NOL6: variants seen among roughly 807,000 people sequenced by gnomAD.
NOL6 encodes the protein nucleolar RNA-associated protein.
In NOL6, 33 loss-of-function variants were observed where a neutral mutation model predicts 131.7. The observed-to-expected ratio is 0.25, with a 90% CI of 0.19 to 0.33. The LOEUF (loss-of-function observed/expected upper bound fraction) is 0.33. Among genes scored for constraint, NOL6 ranks in the 10% least tolerant of loss-of-function variants. The pLI is 1.00. For missense variants in NOL6, 1,297 were observed against 1,494.5 expected, an observed-to-expected ratio of 0.87 and a Z score of 2.18; for synonymous variants, 580 against 605.7, an observed-to-expected ratio of 0.96 and a Z score of 0.62.
At position 33,467,873 on chromosome 9, in the gene NOL6, A is replaced by AG; in HGVS notation, c.1425-6dup. On this transcript the variant is annotated splice_polypyrimidine_tract_variant and splice_region_variant and intron_variant, in intron 11 of 25. Transcript: ENST00000297990. This position sits in a 1 kb window ranked among gnomAD's most constrained non-coding sequence, Gnocchi z 4.4. ...AGGCGACTCAGTGGACGGAGACTGG[A>AG]GGGGTACAAAGGGCCAAAGAGGGGT... 6.3e-7 allele frequency: 1 copy of AG among 1,582,856 alleles called. No homozygotes were observed. The highest frequency in any genetic ancestry group is 8.6e-7 in the Non-Finnish European group (1 of 1,163,086).
intron 16 of NOL6, 61 bp from the exon 17 acceptor site, chr9:33,466,486 G>A: frequency 6.2e-7 from 1 of 1,612,206 alleles, no homozygotes; most frequent in Admixed American, 1.7e-5. Flanking sequence ...CCAGAGTCAG[G>A]AGTTGGAAGT....
Position 33,462,238 on chromosome 9 carries a change from G to A in NOL6, c.*426C>T, listed in dbSNP as rs1187004853. On this transcript the variant is annotated 3_prime_UTR_variant, in exon 26 of 26. Transcript: ENST00000297990. ...CTAAAGGCCTGACACTGCAGTGAAG[G>A]GCATGCTAAGTCTAGGCACAGGTCC... 3.5e-5 allele frequency: 25 copies of A among 716,754 alleles called. No individual in the cohort carries two copies. The South Asian group carries it at 3.7e-4, about 11-fold the overall frequency. The allele number at this position is 716,754 out of a possible 1,614,324, so 44.4% of individuals were successfully genotyped here.
chr9:33,472,771 G>T, intron 1 of NOL6: 1 of 306,036 alleles, frequency 3.3e-6, no homozygotes, highest in Non-Finnish European at 6.2e-6. Context: ...TCAGGAGTTC[G>T]AAATCAGCCT....
rs1827116679 is a variant in NOL6 at position 33,462,385 on chromosome 9, G to A, written c.*279C>T. ...CCAGGCCCAGGGCTAATAGGTGGATGGATCTCCTGGGTTCAGTTCCTTCTC... is the reference window on the plus strand; with the variant it reads ...CCAGGCCCAGGGCTAATAGGTGGATAGATCTCCTGGGTTCAGTTCCTTCTC... On this transcript the variant is annotated 3_prime_UTR_variant, in exon 26 of 26. Transcript: ENST00000297990. The A allele has an allele frequency of 2.1e-5, 13 of 630,282 alleles. No homozygotes were observed. The East Asian group carries it at 3.5e-4, about 17-fold the overall frequency. The allele number at this position is 630,282 out of a possible 1,614,324, so 39.0% of individuals were successfully genotyped here. A position where few individuals can be genotyped will look rare whatever the true frequency, so the allele number is the denominator to read the frequency against.
chr9:33,473,019 C>A (rs750184089), intron 1 of NOL6, among the ~76,000 whole-genome samples: 3 of 151,160 alleles, frequency 2.0e-5, no homozygotes, highest in Non-Finnish European at 2.9e-5. Flanking sequence ...CTAAGTAATG[C>A]CCAGGCCCCT....
At position 33,466,417 on chromosome 9, in the gene NOL6, T is replaced by C. The variant is rs890337995; in HGVS notation, c.2100A>G (p.Pro700=). The C allele has an allele frequency of 2.5e-6, 4 of 1,613,850 alleles. No individual in the cohort carries two copies. In the African/African-American group the frequency reaches 4.0e-5, roughly 16 times the overall value. Reference sequence around the variant, plus strand: ...AGAAGGCTGGACGGACTGGAGTTGGTGGGAACACCTGTGGAAGAAGAGGGG... The same window carrying C: ...AGAAGGCTGGACGGACTGGAGTTGGCGGGAACACCTGTGGAAGAAGAGGGG... ...HPVLRYTEVF[P]PTPVRPAFSF... is the part of the protein sequence containing the mutation. Residue 700 remains proline, a synonymous_variant, in exon 17 of 26, where the codon CCA becomes CCG. Transcript: ENST00000297990.
chr9:33,471,050 A>G (rs1418750063), intron 3 of NOL6, among the ~76,000 whole-genome samples: 2 of 152,166 alleles, frequency 1.3e-5, no homozygotes, highest in Admixed American at 1.3e-4. Context: ...AGGAGAGCAA[A>G]TTACCTGAGG....
In NOL6 at chr9:33,468,048, G is replaced by A. The variant is rs370416601; in HGVS notation, c.1406C>T (p.Ala469Val). ...AACTCACTGCAGGACATGGTCAAAA[G>A]CCCGGATCATGGGTTTGGGAGTCAT... ...LLMTPKPMIRAFDHVLHLRPL... is the reference protein window; with the variant it reads ...LLMTPKPMIRVFDHVLHLRPL... The change falls in exon 11 of 26, where the codon GCT becomes GTT. Residue 469 changes from alanine (A) to valine (V), a missense_variant. Coordinates refer to ENST00000297990, the MANE Select transcript of NOL6 (RefSeq NM_022917.5). 6.2e-7 allele frequency: 1 copy of A among 1,614,152 alleles called. No individual in the cohort carries two copies. The highest frequency in any genetic ancestry group is 8.5e-7 in the Non-Finnish European group (1 of 1,180,028).
chr9:33,470,382 T>A, intron 3 of NOL6, 191 bp from the exon 4 acceptor site: 1 of 447,916 alleles, frequency 2.2e-6, no homozygotes, highest in Non-Finnish European at 3.8e-6. Flanking sequence ...TCACCTTAAC[T>A]TAGCTCTGTT....
Position 33,467,476 on chromosome 9 carries a change from C to A in NOL6, c.1643G>T (p.Gly548Val). 6.2e-7 allele frequency: 1 copy of A among 1,614,196 alleles called. No individual in the cohort carries two copies. Among genetic ancestry groups the A allele is most frequent in the Non-Finnish European group, 8.5e-7 (1 of 1,180,040 alleles). The change falls in exon 13 of 26, where the codon GGG (glycine) becomes GTG (valine). Residue 548 changes from glycine (G) to valine (V), a missense_variant. Physicochemically the swap from Gly to Val is moderately radical, Grantham distance 109. Transcript: ENST00000297990. This position sits in a 1 kb window ranked among gnomAD's most constrained non-coding sequence, Gnocchi z 4.4. ...GAGAAGGAGTCCCAGGGTCAGGGTCCCAGAGTCTTTGTGCTTTGGTGGATC... is the reference window on the plus strand; with the variant it reads ...GAGAAGGAGTCCCAGGGTCAGGGTCACAGAGTCTTTGTGCTTTGGTGGATC... Reference protein sequence around the residue: ...SQDPPKHKDSGTLTLGLLLRP... With the variant: ...SQDPPKHKDSVTLTLGLLLRP...
rs377545479 is a variant in NOL6 at position 33,473,773 on chromosome 9, C to G, written c.54+16G>C. ...CGCACATTGAGCCTCTGTTCCTCCCCGATGGCTCAACCCACCTCTGGCTCT... is the reference window on the plus strand; with the variant it reads ...CGCACATTGAGCCTCTGTTCCTCCCGGATGGCTCAACCCACCTCTGGCTCT... On this transcript the variant is annotated intron_variant, in intron 1 of 25. Coordinates refer to ENST00000297990, the MANE Select transcript of NOL6 (RefSeq NM_022917.5). 33 of 1,611,746 alleles carry G rather than the reference C, an allele frequency of 2.0e-5. No individual in the cohort carries two copies. The highest frequency in any genetic ancestry group is 2.5e-5 in the Non-Finnish European group (30 of 1,179,988).
In NOL6 at chr9:33,467,342, C is replaced by T. The variant is rs1169886758; in HGVS notation, c.1725+52G>A. On this transcript the variant is annotated intron_variant, in intron 13 of 25. Coordinates refer to ENST00000297990, the MANE Select transcript of NOL6 (RefSeq NM_022917.5). The surrounding 1 kb of genome is among the most constrained non-coding windows in gnomAD (Gnocchi z 4.4). ...CCCCAACAAGCTTCAGTCCAGGTGC[C>T]ATGAGGACGAGCCACCCCATTCCTT... is the stretch of plus-strand genomic sequence containing the variant. 4 of 1,609,978 alleles carry T rather than the reference C, an allele frequency of 2.5e-6. No individual in the cohort carries two copies. The highest frequency in any genetic ancestry group is 1.7e-5 in the Admixed American group (1 of 59,894).
At position 33,467,283 on chromosome 9, in the gene NOL6, G is replaced by A. The variant is rs115916894; in HGVS notation, c.1726-21C>T. The stretch of plus-strand genomic sequence containing the variant: ...GCAGCCTGAGGAGGCAAGGGTGGTA[G>A]TAGAGCTGGGGAAGGAAGGGCTCTG... On this transcript the variant is annotated intron_variant, in intron 13 of 25. Transcript: ENST00000297990. The surrounding 1 kb of genome is among the most constrained non-coding windows in gnomAD (Gnocchi z 4.4). The A allele has an allele frequency of 6.2e-7, 1 of 1,613,136 alleles. No individual in the cohort carries two copies. The highest frequency in any genetic ancestry group is 1.3e-5 in the African/African-American group (1 of 75,036).
chr9:33,466,134 C>T lies in NOL6; in HGVS notation c.2301G>A (p.Glu767=). The T allele has an allele frequency of 1.2e-6, 2 of 1,613,102 alleles. No homozygotes were observed. Among genetic ancestry groups the T allele is most frequent in the Non-Finnish European group, 1.7e-6 (2 of 1,179,596 alleles). The change falls in exon 18 of 26, where the codon GAG becomes GAA. Residue 767 remains glutamate, a synonymous_variant. Coordinates refer to ENST00000297990, the MANE Select transcript of NOL6 (RefSeq NM_022917.5). ...GCAGACCATGCTGTTGTGTCAACAG[C>T]TCTGCCAGGCGCAGCTGGAAGGCAG... ...VRAAFQLRLA[E]LLTQQHGLQC... is the part of the protein sequence containing the mutation.
intron 21 of NOL6, 79 bp from the exon 22 acceptor site, chr9:33,464,240 GC>G: frequency 6.8e-7 from 1 of 1,474,004 alleles, no homozygotes. Context: ...CTCCTACGGT[GC>G]CCCCAACGGC....
Position 33,463,370 on chromosome 9 carries a change from G to A in NOL6, c.3066C>T (p.His1022=). 6.2e-7 allele frequency: 1 copy of A among 1,614,088 alleles called. No homozygotes were observed. Residue 1022 remains histidine, a synonymous_variant, in exon 24 of 26, where the codon CAC becomes CAT. Transcript: ENST00000297990. ...CAGCTGGCGAGTCCACAGCCTGGCGGTGCCGCGGGATATGGCGAGGAGACA... is the reference window on the plus strand; with the variant it reads ...CAGCTGGCGAGTCCACAGCCTGGCGATGCCGCGGGATATGGCGAGGAGACA... The part of the protein sequence containing the change: ...IRLSPRHIPR[H]RQAVDSPAAS...
rs777021407 is a variant in NOL6, at chr9:33,469,677, C to T, written c.559-10G>A. 22 of 1,604,712 alleles carry T rather than the reference C, an allele frequency of 1.4e-5. No homozygotes were observed. Among genetic ancestry groups the T allele is most frequent in the Non-Finnish European group, 1.8e-5 (21 of 1,177,608 alleles). On this transcript the variant is annotated splice_polypyrimidine_tract_variant and intron_variant, in intron 4 of 25. Transcript: ENST00000297990. Reference sequence around the variant, plus strand: ...TGTCCTGTAGGATTTCCTGGAGGGGCCAGGGGAGAAGAGAAGGCCAGGCAC... The same window carrying T: ...TGTCCTGTAGGATTTCCTGGAGGGGTCAGGGGAGAAGAGAAGGCCAGGCAC...
intron 19 of NOL6, 24 bp downstream of exon 19, chr9:33,465,710 A>G: frequency 6.2e-7 from 1 of 1,604,650 alleles, no homozygotes; most frequent in Non-Finnish European, 8.5e-7. Context: ...TACAGACAGG[A>G]AGAAGCTGTG....
chr9:33,462,935 C>T (rs1213552289), intron 25 of NOL6, 98 bp downstream of exon 25: 2 of 1,539,284 alleles, frequency 1.3e-6, no homozygotes, highest in East Asian at 2.4e-5. Context: ...CCGCACCTGA[C>T]ACGGGTTTGC....
Sources: allele counts gnomAD v4.1 joint callset (sites outside exome capture counted in the v4.1 genomes callset), GRCh38; gene constraint gnomAD v4.1.1; non-coding constraint Gnocchi (gnomAD v3.1); transcripts MANE v1.5; gene names NCBI Gene and HGNC (gene_info 2026-07-23, HGNC 2026-07-21).